The following TTC39B variants were observed in gnomAD, a reference collection of about 807,000 sequenced individuals.
TTC39B encodes the protein tetratricopeptide repeat domain 39B.
A neutral mutation model predicts 96.6 loss-of-function variants in TTC39B; 92 were observed. The observed-to-expected ratio is 0.95, with a 90% CI of 0.80 to 1.13. The LOEUF (loss-of-function observed/expected upper bound fraction) is 1.13, where lower values mean the gene tolerates loss of function less well. Ranked by LOEUF, TTC39B falls within the 50% of genes most tolerant of loss-of-function variation. TTC39B has a pLI of 0.00. For synonymous variants in TTC39B, 367 were observed against 299.4 expected (o/e 1.23, Z -2.33); for missense variants, 955 against 809.3 (o/e 1.18, Z -2.18).
intron 1 of TTC39B, among the ~76,000 whole-genome samples, chr9:15,293,769 G>A (rs933229810): frequency 3.3e-5 from 5 of 152,176 alleles, no homozygotes; most frequent in Non-Finnish European, 7.3e-5. Flanking sequence ...TCTGTACATC[G>A]TGAGCTACAA....
At chr9:15,262,479 G>C (rs956300097) in intron 2 of TTC39B, among the ~76,000 whole-genome samples, 2 of 152,010 alleles carry the variant, frequency 1.3e-5, no homozygotes, top group African/African-American at 4.8e-5. Context: ...AGTTCTAAAT[G>C]GTGGAGATTT....
chr9:15,198,227 G>A (rs1819292850), intron 8 of TTC39B, among the ~76,000 whole-genome samples: 1 of 152,112 alleles, frequency 6.6e-6, no homozygotes, highest in African/African-American at 2.4e-5. Flanking sequence ...GGGAGGCCAA[G>A]ACGGGTGGAT....
At chr9:15,293,884 G>A (rs972006307) in intron 1 of TTC39B, among the ~76,000 whole-genome samples, 7 of 152,108 alleles carry the variant, frequency 4.6e-5, no homozygotes, top group African/African-American at 1.7e-4. Context: ...GCAAACTGTG[G>A]GCTGTAACCA....
At position 15,176,404 on chromosome 9, in the gene TTC39B, C is replaced by T. The variant is rs376559367; in HGVS notation, c.1842-1269G>A. 5.6e-4 allele frequency among the ~76,000 whole-genome samples: 85 copies of T among 152,232 alleles called. 1 individual carries two copies. The highest frequency in any genetic ancestry group is 1.9e-3 in the African/African-American group (81 of 41,542). On this transcript the variant is annotated intron_variant, in intron 18 of 19. Coordinates refer to ENST00000512701, the Ensembl canonical transcript of TTC39B. ...CATGTTTACTAATTACAGAATATTA[C>T]TAAAGACAGTACATTTGGGAAGTAG...
chr9:15,203,149 T>C (rs1819638461), intron 7 of TTC39B, among the ~76,000 whole-genome samples: 1 of 152,246 alleles, frequency 6.6e-6, no homozygotes, highest in Admixed American at 6.5e-5. Context: ...CACTCCCATG[T>C]GCGGACTCTA....
chr9:15,197,371 C>G (rs917004739), intron 8 of TTC39B, among the ~76,000 whole-genome samples: 1 of 151,862 alleles, frequency 6.6e-6, no homozygotes, highest in Non-Finnish European at 1.5e-5. Flanking sequence ...TGTCAGGTAC[C>G]CAAGATCTAC....
chr9:15,276,329 T>A (rs1480443328), intron 1 of TTC39B, among the ~76,000 whole-genome samples: 2 of 152,154 alleles, frequency 1.3e-5, no homozygotes, highest in African/African-American at 4.8e-5. Context: ...TTCCTTAGTA[T>A]CCCTATAGAA....
intron 7 of TTC39B, among the ~76,000 whole-genome samples, chr9:15,200,767 G>A (rs1364827399): frequency 2.0e-5 from 3 of 152,342 alleles, no homozygotes; most frequent in African/African-American, 4.8e-5. Flanking sequence ...TTGGGAGGCC[G>A]AGGCGGGTGG....
exon 20 of TTC39B, chr9:15,166,790 A>C (rs1185222155): frequency 1.3e-5 from 2 of 151,608 alleles, no homozygotes; most frequent in African/African-American, 2.4e-5. Flanking sequence ...AAAGAACTGT[A>C]TAAAACAATG....
At chr9:15,186,698 G>GT (rs988242638) in intron 15 of TTC39B, 1,687 of 337,292 alleles carry the variant, frequency 5.0e-3, no homozygotes, top group East Asian at 7.2e-3. Context: ...AATATACATG[G>GT]TTTTTTTTTG....
At chr9:15,196,186 A>G (rs1819157437) in intron 8 of TTC39B, among the ~76,000 whole-genome samples, 1 of 152,246 alleles carries the variant, frequency 6.6e-6, no homozygotes, top group Non-Finnish European at 1.5e-5. Flanking sequence ...TCTGAAAGAG[A>G]TGTATGCAAG....
chr9:15,168,965 T>G (rs2800587), exon 20 of TTC39B: 111,727 of 151,988 alleles, frequency 0.74, 41,801 homozygotes, highest in East Asian at 0.91. Flanking sequence ...ATTTTTTCTT[T>G]ACACACTCCC....
At chr9:15,164,655 G>A (rs1817485740) in exon 20 of TTC39B, 1 of 151,848 alleles carries the variant, frequency 6.6e-6, no homozygotes, top group African/African-American at 2.4e-5. Flanking sequence ...AGTGTTCTGT[G>A]AACATCTGCA....
intron 1 of TTC39B, among the ~76,000 whole-genome samples, chr9:15,269,298 C>G (rs1049914776): frequency 3.3e-5 from 5 of 152,204 alleles, no homozygotes; most frequent in African/African-American, 1.2e-4. Context: ...TCAGAGCAGG[C>G]TCTTACATAC....
chr9:15,244,868 G>C (rs1482997293), intron 2 of TTC39B, among the ~76,000 whole-genome samples: 4 of 152,080 alleles, frequency 2.6e-5, no homozygotes, highest in African/African-American at 4.8e-5. Flanking sequence ...CTAAAACAAA[G>C]AGTAACAAAG....
rs1258447763 is a variant in TTC39B, at chr9:15,185,420, C to T, written c.1488-14G>A. ...CTGTCCACCTGTCTGTGAAGAACCCCAGCCCAGCCCCAGAGAAAGGTCATG... is the reference window on the plus strand; with the variant it reads ...CTGTCCACCTGTCTGTGAAGAACCCTAGCCCAGCCCCAGAGAAAGGTCATG... On this transcript the variant is annotated splice_polypyrimidine_tract_variant and intron_variant, in intron 15 of 19. Coordinates refer to ENST00000512701, the Ensembl canonical transcript of TTC39B. The T allele has an allele frequency of 1.2e-6, 2 of 1,613,034 alleles. No individual in the cohort carries two copies. The highest frequency in any genetic ancestry group is 1.1e-5 in the South Asian group (1 of 90,966).
intron 1 of TTC39B, among the ~76,000 whole-genome samples, chr9:15,290,100 T>A (rs1398249312): frequency 2.0e-5 from 3 of 152,312 alleles, no homozygotes; most frequent in South Asian, 4.1e-4. Context: ...TCCTGGTGAT[T>A]TTTAATTTTT....
chr9:15,224,178 C>T (rs183582026), intron 3 of TTC39B, among the ~76,000 whole-genome samples: 1 of 152,348 alleles, frequency 6.6e-6, no homozygotes, highest in Admixed American at 6.5e-5. Context: ...CTCCCACTGA[C>T]CTTTAGCCAT....
At chr9:15,183,534 C>A (rs2057478) in intron 16 of TTC39B, 7 of 322,458 alleles carry the variant, frequency 2.2e-5, no homozygotes, top group Admixed American at 1.4e-4. Context: ...TTCCATAGAC[C>A]TGGAGAAAGA....
Sources: allele counts gnomAD v4.1 joint callset (sites outside exome capture counted in the v4.1 genomes callset), GRCh38; gene constraint gnomAD v4.1.1; transcripts MANE v1.5; gene names NCBI Gene and HGNC (gene_info 2026-07-23, HGNC 2026-07-21).